Variants in ZNF420 observed in about 807,000 individuals in gnomAD.
ZNF420 encodes ATM and p53-associated KZNF protein.
A neutral mutation model predicts 44.7 loss-of-function variants in ZNF420; 31 were observed. The observed-to-expected ratio is 0.69, with a 90% CI of 0.52 to 0.94. The LOEUF (loss-of-function observed/expected upper bound fraction) is 0.94. ZNF420 is among the 40% of genes least tolerant of loss of function. The pLI, the probability that ZNF420 is intolerant of heterozygous loss-of-function variation, is 0.00. For missense variants in ZNF420, 681 were observed against 827.9 expected, an observed-to-expected ratio of 0.82 and a Z score of 2.18; for synonymous variants, 245 against 267.4, an observed-to-expected ratio of 0.92 and a Z score of 0.82.
At chr19:37,008,215 G>T in intron 1 of ZNF420, 1 of 307,074 alleles carries the variant, frequency 3.3e-6, no homozygotes, top group South Asian at 2.8e-5. Context: ...TGCCTGGGGC[G>T]GGCGGGGGGG....
intron 1 of ZNF420, among the ~76,000 whole-genome samples, chr19:37,034,911 C>T (rs1967325186): frequency 6.6e-6 from 1 of 152,172 alleles, no homozygotes; most frequent in Admixed American, 6.5e-5. Flanking sequence ...AAGCCTTGTT[C>T]AGAAGATTGC....
At chr19:37,040,556 G>A (rs1345760875) in intron 1 of ZNF420, among the ~76,000 whole-genome samples, 1 of 152,092 alleles carries the variant, frequency 6.6e-6, no homozygotes, top group Non-Finnish European at 1.5e-5. Context: ...AAGCAGTTAA[G>A]CACCTTTTAC....
chr19:37,019,987 G>GC (rs1309032997), intron 1 of ZNF420, among the ~76,000 whole-genome samples: 4 of 152,030 alleles, frequency 2.6e-5, no homozygotes, highest in Non-Finnish European at 4.4e-5. Context: ...GGAGGCTGAG[G>GC]AGGGCGGATC....
intron 4 of ZNF420, among the ~76,000 whole-genome samples, chr19:37,104,302 G>A (rs1011482643): frequency 5.9e-5 from 9 of 151,966 alleles, no homozygotes; most frequent in East Asian, 1.9e-4. Flanking sequence ...ATGTCCCTAC[G>A]AAGGACATGA....
chr19:37,084,308 T>A (rs1968634879), intron 2 of ZNF420, among the ~76,000 whole-genome samples: 1 of 152,226 alleles, frequency 6.6e-6, no homozygotes, highest in African/African-American at 2.4e-5. Context: ...TCCAGCTTTA[T>A]GCACAGATAA....
intron 1 of ZNF420, among the ~76,000 whole-genome samples, chr19:37,073,409 A>C (rs1013846723): frequency 2.6e-5 from 4 of 152,142 alleles, no homozygotes; most frequent in African/African-American, 9.7e-5. Flanking sequence ...GGCTAATTCC[A>C]AGTCTGGGAC....
At chr19:37,066,958 G>A (rs527971995) in intron 1 of ZNF420, among the ~76,000 whole-genome samples, 1 of 152,234 alleles carries the variant, frequency 6.6e-6, no homozygotes, top group South Asian at 2.1e-4. Flanking sequence ...TCAGCAATAA[G>A]AACTATTGAG....
chr19:37,056,559 G>A (rs1019306865), intron 1 of ZNF420, among the ~76,000 whole-genome samples: 1 of 152,180 alleles, frequency 6.6e-6, no homozygotes. Flanking sequence ...AGCAGGACAG[G>A]CCACTGGTCC....
intron 4 of ZNF420, among the ~76,000 whole-genome samples, chr19:37,095,577 A>G (rs368289059): frequency 6.6e-6 from 1 of 151,890 alleles, no homozygotes. Flanking sequence ...GGGAAGGCTT[A>G]TTGGTTTTAT....
chr19:37,102,871 A>G (rs183265839), intron 4 of ZNF420, among the ~76,000 whole-genome samples: 64 of 152,218 alleles, frequency 4.2e-4, no homozygotes, highest in African/African-American at 1.2e-3. Flanking sequence ...TTTGTGCTAA[A>G]TCTAATTTTT....
intron 1 of ZNF420, among the ~76,000 whole-genome samples, chr19:37,072,623 A>G (rs1383541656): frequency 6.6e-6 from 1 of 152,216 alleles, no homozygotes; most frequent in African/African-American, 2.4e-5. Flanking sequence ...TGTTAATCAC[A>G]CAAAGCCAGG....
At chr19:37,050,291 A>G (rs1322914534) in intron 1 of ZNF420, among the ~76,000 whole-genome samples, 1 of 152,178 alleles carries the variant, frequency 6.6e-6, no homozygotes, top group Non-Finnish European at 1.5e-5. Flanking sequence ...CATTGAATCT[A>G]TAAATTACCT....
chr19:37,051,178 TTC>T (rs1182394611), intron 1 of ZNF420, among the ~76,000 whole-genome samples: 1 of 152,214 alleles, frequency 6.6e-6, no homozygotes, highest in Non-Finnish European at 1.5e-5. Context: ...TGGTCTAAAA[TTC>T]TCTTTTTTGT....
chr19:37,113,288 CT>C (rs1413534876), intron 4 of ZNF420, among the ~76,000 whole-genome samples: 1 of 152,114 alleles, frequency 6.6e-6, no homozygotes, highest in African/African-American at 2.4e-5. Flanking sequence ...CTGGGCAATT[CT>C]TTTTTTGATG....
At chr19:37,008,080 C>T in exon 1 of ZNF420, 2 of 269,448 alleles carry the variant, frequency 7.4e-6, no homozygotes, top group East Asian at 1.2e-4. Flanking sequence ...GGACGGTGTG[C>T]GGGTGAGTCT....
At chr19:37,039,715 T>C (rs78077165) in intron 1 of ZNF420, among the ~76,000 whole-genome samples, 1 of 137,714 alleles carries the variant, frequency 7.3e-6, no homozygotes, top group African/African-American at 2.7e-5. Context: ...TTTTTTTTTT[T>C]TGTGAGATAC....
intron 1 of ZNF420, among the ~76,000 whole-genome samples, chr19:37,063,385 G>A (rs751321339): frequency 5.3e-5 from 8 of 152,122 alleles, no homozygotes; most frequent in Non-Finnish European, 7.4e-5. Flanking sequence ...GTGAAGACCC[G>A]GTTTCCCTAG....
At chr19:37,053,384 C>T (rs1374823490) in intron 1 of ZNF420, among the ~76,000 whole-genome samples, 1 of 152,242 alleles carries the variant, frequency 6.6e-6, no homozygotes, top group East Asian at 1.9e-4. Flanking sequence ...TTCCATCCAG[C>T]TTTGTTCCGT....
chr19:37,106,323 AT>A (rs1222253250), intron 4 of ZNF420, among the ~76,000 whole-genome samples: 1 of 152,084 alleles, frequency 6.6e-6, no homozygotes. Flanking sequence ...ACATTTATTG[AT>A]TTGCATATGT....
Sources: gnomAD v4.1 joint callset for allele counts (sites outside exome capture counted in the v4.1 genomes callset) on GRCh38, gnomAD v4.1.1 for gene constraint, MANE v1.5 for transcripts, NCBI Gene and HGNC (gene_info 2026-07-23, HGNC 2026-07-21) for gene names.